Variants in PTP4A1 observed in about 807,000 individuals in gnomAD.
The protein encoded by PTP4A1 is protein tyrosine phosphatase type IVA 1.
Under a neutral mutation model 20.5 loss-of-function variants are expected in PTP4A1, and 9 were observed. The ratio of observed to expected loss-of-function variants is 0.44; its 90% CI spans 0.26 to 0.77. The LOEUF is 0.77. PTP4A1 is among the 30% of genes least tolerant of loss of function. The pLI is 0.19. For missense variants in PTP4A1, 137 were observed against 218.8 expected (o/e 0.63, Z 2.36); for synonymous variants, 78 against 67.4 (o/e 1.16, Z -0.77).
At chr6:63,525,081 G>A (rs1207110553) in intron 1 of PTP4A1, among the ~76,000 whole-genome samples, 1 of 152,226 alleles carries the variant, frequency 6.6e-6, no homozygotes, top group African/African-American at 2.4e-5. Context: ...AGGGTGTTTA[G>A]AAGATGTCCT....
intron 3 of PTP4A1, among the ~76,000 whole-genome samples, chr6:63,551,913 G>A (rs891592648): frequency 6.6e-6 from 1 of 152,020 alleles, no homozygotes; most frequent in African/African-American, 2.4e-5. Flanking sequence ...TGGTGTATAT[G>A]TGCCACATTT....
At chr6:63,579,681 T>A (rs568972867) in intron 5 of PTP4A1, among the ~76,000 whole-genome samples, 12 of 152,210 alleles carry the variant, frequency 7.9e-5, no homozygotes, top group Non-Finnish European at 1.8e-4. Flanking sequence ...AAATTAACCA[T>A]CCAATACAAC....
intron 2 of PTP4A1, among the ~76,000 whole-genome samples, chr6:63,542,029 GT>G (rs1776001458): frequency 4.2e-5 from 4 of 96,094 alleles, no homozygotes; most frequent in Non-Finnish European, 9.1e-5. Context: ...TGTGGTGTGT[GT>G]GTGTGTGTGT....
At chr6:63,517,868 G>C (rs1354459286), upstream of PTP4A1, among the ~76,000 whole-genome samples, 2 of 152,110 alleles carry the variant, frequency 1.3e-5, no homozygotes, top group East Asian at 3.9e-4. Flanking sequence ...TAAAATCTCA[G>C]TAGGGCCAAG....
At chr6:63,551,305 A>G (rs1004490745) in intron 3 of PTP4A1, among the ~76,000 whole-genome samples, 1 of 152,138 alleles carries the variant, frequency 6.6e-6, no homozygotes, top group Admixed American at 6.5e-5. Context: ...ACCTCAGGTG[A>G]TCTGCCTGTC....
At position 63,548,624 on chromosome 6, in the gene PTP4A1, T is replaced by A. The variant is rs564284285; in HGVS notation, c.-639-1676T>A. ...TCAGAAAAGGTTTATTGAGTTAATG[T>A]AAACACAACCCTGATTTAATTTTTC... On this transcript the variant is annotated intron_variant, in intron 2 of 3. Transcript: ENST00000639568. 12 of 373,722 alleles carry A rather than the reference T, an allele frequency of 3.2e-5. No homozygotes were observed. In the Admixed American group the frequency reaches 4.6e-4, roughly 14 times the overall value. The allele number at this position is 373,722 out of a possible 1,614,324, so 23.2% of individuals were successfully genotyped here. A position where few individuals can be genotyped will look rare whatever the true frequency, so the allele number is the denominator to read the frequency against.
intron 2 of PTP4A1, among the ~76,000 whole-genome samples, chr6:63,542,044 TGTGTGTG>T (rs752513039): frequency 7.6e-4 from 116 of 151,766 alleles, no homozygotes; most frequent in Non-Finnish European, 1.3e-3. Context: ...TGTGTGTGTG[TGTGTGTG>T]TGTGTGTGTG....
intron 2 of PTP4A1, among the ~76,000 whole-genome samples, chr6:63,539,720 G>A (rs185665766): frequency 1.4e-3 from 207 of 151,612 alleles, no homozygotes; most frequent in Middle Eastern, 6.8e-3. Context: ...AGTGAGCTGA[G>A]ATCGTACCAC....
At chr6:63,521,803 A>G (rs1295214649) in exon 1 of PTP4A1, 1 of 152,204 alleles carries the variant, frequency 6.6e-6, no homozygotes, top group Admixed American at 6.5e-5. Flanking sequence ...ATAATCATCA[A>G]TCTGAAAAGC....
At chr6:63,553,947 G>C (rs938847380) in intron 3 of PTP4A1, among the ~76,000 whole-genome samples, 1 of 152,176 alleles carries the variant, frequency 6.6e-6, no homozygotes, top group Non-Finnish European at 1.5e-5. Context: ...ATCAAAGTTA[G>C]TGATATCAGT....
Position 63,578,511 on chromosome 6 carries a change from A to AG in PTP4A1, c.181dup (p.Glu61GlyfsTer7), listed in dbSNP as rs1561915602. On this transcript the variant is annotated frameshift_variant, in exon 3 of 6. Coordinates refer to ENST00000626021, the MANE Select transcript of PTP4A1 (RefSeq NM_003463.5). LOFTEE classifies it high-confidence loss of function. ...CTTATGACACTACTCTTGTGGAGAA[A>AG]GAAGGTATCCATGTTCTTGTAAGTA... 1 of 1,612,094 alleles carries AG rather than the reference A, an allele frequency of 6.2e-7. No homozygotes were observed. The highest frequency in any genetic ancestry group is 8.5e-7 in the Non-Finnish European group (1 of 1,179,304).
rs1775507668 is a variant in PTP4A1, at chr6:63,532,319, T to C, written c.-640+4235T>C. Among the ~76,000 whole-genome samples the C allele has an allele frequency of 3.3e-5, 5 of 152,356 alleles. No homozygotes were observed. In the South Asian group the frequency reaches 1.0e-3, roughly 32 times the overall value. Reference sequence around the variant, plus strand: ...TGGTAAATCTCTATTAAGTTGTTTTTTGATCTTTTCCTATAAGATTTTCCA... The same window carrying C: ...TGGTAAATCTCTATTAAGTTGTTTTCTGATCTTTTCCTATAAGATTTTCCA... On this transcript the variant is annotated intron_variant, in intron 2 of 3. Coordinates refer to the PTP4A1 transcript ENST00000639568.
At chr6:63,543,496 T>C (rs1419094352) in intron 2 of PTP4A1, among the ~76,000 whole-genome samples, 1 of 152,222 alleles carries the variant, frequency 6.6e-6, no homozygotes, top group Non-Finnish European at 1.5e-5. Context: ...CATTTTGTCT[T>C]GTACTGAGAA....
intron 2 of PTP4A1, among the ~76,000 whole-genome samples, chr6:63,578,192 A>G (rs1023082511): frequency 6.6e-6 from 1 of 152,236 alleles, no homozygotes; most frequent in African/African-American, 2.4e-5. Flanking sequence ...AAACAAAAGA[A>G]GGAAAACTTT....
intron 2 of PTP4A1, among the ~76,000 whole-genome samples, chr6:63,539,895 C>G (rs1223392419): frequency 6.6e-6 from 1 of 152,038 alleles, no homozygotes; most frequent in African/African-American, 2.4e-5. Flanking sequence ...AAAAATAATA[C>G]AGTGACATAA....
chr6:63,546,427 C>T (rs1192446570), intron 2 of PTP4A1, among the ~76,000 whole-genome samples: 2 of 152,092 alleles, frequency 1.3e-5, no homozygotes, highest in Admixed American at 6.6e-5. Context: ...AACATTTGGC[C>T]GGGTGCGGTG....
intron 2 of PTP4A1, among the ~76,000 whole-genome samples, chr6:63,543,293 C>G (rs1776058377): frequency 6.6e-6 from 1 of 152,140 alleles, no homozygotes; most frequent in African/African-American, 2.4e-5. Context: ...TAAAATGAAC[C>G]CTCCTCAGGG....
intron 5 of PTP4A1, 114 bp downstream of exon 5, chr6:63,579,445 A>G (rs1158384925): frequency 1.4e-5 from 10 of 710,342 alleles, no homozygotes; most frequent in African/African-American, 3.8e-5. Context: ...TTGAGATAGT[A>G]TTAAAACCAG....
chr6:63,578,647 AATATT>A (rs1250469406), intron 3 of PTP4A1, 118 bp downstream of exon 3: 53 of 1,372,062 alleles, frequency 3.9e-5, no homozygotes, highest in African/African-American at 1.1e-4. Context: ...GCTAAAAACA[AATATT>A]ATATTATTGT....
Sources: gnomAD v4.1 joint callset for allele counts (sites outside exome capture counted in the v4.1 genomes callset) on GRCh38, gnomAD v4.1.1 for gene constraint, MANE v1.5 for transcripts, NCBI Gene and HGNC (gene_info 2026-07-23, HGNC 2026-07-21) for gene names.